The following ATXN1 variants were observed in gnomAD, a reference collection of about 807,000 sequenced individuals.
ATXN1 encodes ataxin-1.
Under a neutral mutation model 56.4 loss-of-function variants are expected in ATXN1, and 8 were observed. The ratio of observed to expected loss-of-function variants is 0.14; its 90% CI spans 0.08 to 0.26. The LOEUF (loss-of-function observed/expected upper bound fraction) is 0.26, where lower values mean the gene tolerates loss of function less well. ATXN1 is among the 10% of genes least tolerant of loss of function. ATXN1 has a pLI of 1.00. For missense variants in ATXN1, 987 were observed against 1,106.5 expected, an observed-to-expected ratio of 0.89 and a Z score of 1.53; for synonymous variants, 514 against 494.6, an observed-to-expected ratio of 1.04 and a Z score of -0.52.
chr6:16,609,953 T>C (rs1435365413), intron 3 of ATXN1, among the ~76,000 whole-genome samples: 1 of 152,104 alleles, frequency 6.6e-6, no homozygotes, highest in Non-Finnish European at 1.5e-5. Context: ...TAGGATTTTT[T>C]TTCAATGACT....
intron 4 of ATXN1, among the ~76,000 whole-genome samples, chr6:16,549,041 C>T (rs1210995485): frequency 1.3e-5 from 2 of 152,176 alleles, no homozygotes; most frequent in African/African-American, 2.4e-5. Flanking sequence ...CATCTTGTCC[C>T]ACTGAGAGGT....
At chr6:16,545,399 T>G (rs1251027617) in intron 4 of ATXN1, among the ~76,000 whole-genome samples, 1 of 152,076 alleles carries the variant, frequency 6.6e-6, no homozygotes, top group Non-Finnish European at 1.5e-5. Flanking sequence ...TTGTCTTTTT[T>G]TTTTTTGGCA....
At chr6:16,456,789 T>C (rs1759885188) in intron 6 of ATXN1, among the ~76,000 whole-genome samples, 2 of 152,296 alleles carry the variant, frequency 1.3e-5, no homozygotes, top group South Asian at 4.1e-4. Context: ...ATTTCTAATA[T>C]AAATTTCAGG....
intron 5 of ATXN1, among the ~76,000 whole-genome samples, chr6:16,509,219 C>T (rs1233014514): frequency 2.6e-5 from 4 of 152,166 alleles, no homozygotes; most frequent in Non-Finnish European, 5.9e-5. Context: ...GTATCTTGAA[C>T]CCAGCTACCT....
chr6:16,664,378 T>C (rs978530910), intron 2 of ATXN1, among the ~76,000 whole-genome samples: 3 of 152,214 alleles, frequency 2.0e-5, no homozygotes, highest in Non-Finnish European at 2.9e-5. Context: ...TGTCTTGCTT[T>C]TAATTTTTTT....
Position 16,320,233 on chromosome 6 carries a change from ATAG to A in ATXN1, c.1917+6158_1917+6160del, listed in dbSNP as rs1248995100. Reference sequence around the variant, plus strand: ...ACAGCTCACAGAAGTCAACCAAAAAATAGTAGAATGAAAGGAAAGCCATCGGTA... The same window carrying A: ...ACAGCTCACAGAAGTCAACCAAAAAATAGAATGAAAGGAAAGCCATCGGTA... On this transcript the variant is annotated intron_variant, in intron 7 of 7. Transcript: ENST00000436367. Among the ~76,000 whole-genome samples, 4 of 152,308 alleles carry A rather than the reference ATAG, an allele frequency of 2.6e-5. No individual in the cohort carries two copies. In the East Asian group the frequency reaches 5.8e-4, roughly 22 times the overall value.
At chr6:16,658,811 C>T (rs975854433) in intron 2 of ATXN1, among the ~76,000 whole-genome samples, 2 of 152,176 alleles carry the variant, frequency 1.3e-5, no homozygotes, top group Admixed American at 6.5e-5. Context: ...GAAAACCCAT[C>T]GGCTGACTGT....
chr6:16,497,694 G>T (rs1034298129), intron 5 of ATXN1, among the ~76,000 whole-genome samples: 3 of 152,168 alleles, frequency 2.0e-5, no homozygotes, highest in Non-Finnish European at 4.4e-5. Flanking sequence ...GCCATGCTGG[G>T]AACTTGATTT....
chr6:16,350,835 C>G (rs1055942125), intron 6 of ATXN1, among the ~76,000 whole-genome samples: 9 of 152,130 alleles, frequency 5.9e-5, no homozygotes, highest in African/African-American at 1.9e-4. Context: ...GTAATCCCAG[C>G]ACTTCAGGAG....
At chr6:16,389,798 C>G (rs1030424749) in intron 6 of ATXN1, among the ~76,000 whole-genome samples, 1 of 152,216 alleles carries the variant, frequency 6.6e-6, no homozygotes, top group Admixed American at 6.5e-5. Context: ...GACCAGCCCA[C>G]AGGGCTCACA....
intron 6 of ATXN1, chr6:16,484,991 G>GTGTGTGTGTGTGTGTGTGTGTGTGTA (rs36090082): frequency 7.3e-6 from 1 of 137,794 alleles, no homozygotes; most frequent in African/African-American, 2.7e-5. Flanking sequence ...GTGTGTGTGT[G>GTGTGTGTGTGTGTGTGTGTGTGTGTA]TACACGCACA....
chr6:16,468,288 C>T (rs1461762269), intron 6 of ATXN1, among the ~76,000 whole-genome samples: 2 of 152,194 alleles, frequency 1.3e-5, no homozygotes, highest in African/African-American at 2.4e-5. Context: ...CAGGTTCACG[C>T]CATTCTCCCG....
At chr6:16,752,094 A>G (rs1036852036) in intron 2 of ATXN1, among the ~76,000 whole-genome samples, 2 of 152,218 alleles carry the variant, frequency 1.3e-5, no homozygotes, top group Non-Finnish European at 2.9e-5. Context: ...TGTAACTTAA[A>G]AATTGGCTCT....
At chr6:16,353,656 A>C (rs543379501) in intron 6 of ATXN1, among the ~76,000 whole-genome samples, 2 of 152,370 alleles carry the variant, frequency 1.3e-5, no homozygotes, top group African/African-American at 4.8e-5. Context: ...CCTGGACGAC[A>C]GAGCAAGACC....
intron 6 of ATXN1, among the ~76,000 whole-genome samples, chr6:16,392,940 A>G (rs79487465): frequency 0.091 from 13,866 of 152,294 alleles, 703 homozygotes; most frequent in Non-Finnish European, 0.12. Context: ...CAAGTCCTCC[A>G]GGCAATGCCC....
chr6:16,504,856 CCTT>C (rs944515856), intron 5 of ATXN1, among the ~76,000 whole-genome samples: 7 of 152,144 alleles, frequency 4.6e-5, no homozygotes, highest in African/African-American at 1.7e-4. Flanking sequence ...AGCTCTCTGA[CCTT>C]CTTACGAGGC....
At chr6:16,639,738 C>T (rs1332874128) in intron 3 of ATXN1, among the ~76,000 whole-genome samples, 1 of 152,230 alleles carries the variant, frequency 6.6e-6, no homozygotes, top group Non-Finnish European at 1.5e-5. Flanking sequence ...TGCCAACTCA[C>T]TACTTTTAAT....
At chr6:16,731,454 C>CTCT (rs1759977962) in intron 2 of ATXN1, among the ~76,000 whole-genome samples, 1 of 81,756 alleles carries the variant, frequency 1.2e-5, no homozygotes, top group African/African-American at 3.8e-5. Context: ...TTTTTCTTTT[C>CTCT]TTTTTTTTTT....
intron 6 of ATXN1, among the ~76,000 whole-genome samples, chr6:16,430,693 GGCTGGTGCT>G (rs1759262760): frequency 6.6e-6 from 1 of 151,884 alleles, no homozygotes; most frequent in Non-Finnish European, 1.5e-5. Flanking sequence ...GGGGTGCAGT[GGCTGGTGCT>G]GCTGGTGTGT....
Sources: gnomAD v4.1 joint callset for allele counts (sites outside exome capture counted in the v4.1 genomes callset) on GRCh38, gnomAD v4.1.1 for gene constraint, MANE v1.5 for transcripts, NCBI Gene and HGNC (gene_info 2026-07-23, HGNC 2026-07-21) for gene names.